PLEC: variants seen among roughly 807,000 people sequenced by gnomAD.
PLEC encodes the protein hemidesmosomal protein 1.
A neutral mutation model predicts 392.8 loss-of-function variants in PLEC; 216 were observed. The observed-to-expected ratio is 0.55, with a 90% CI of 0.49 to 0.62. The LOEUF is 0.62. Ranked by LOEUF, PLEC falls within the 20% of genes least tolerant of loss-of-function variation. The pLI, the probability that PLEC is intolerant of heterozygous loss-of-function variation, is 0.00. For missense variants in PLEC, 6,863 were observed against 6,563.4 expected, an observed-to-expected ratio of 1.05 and a Z score of -1.58; for synonymous variants, 3,621 against 2,980.6, an observed-to-expected ratio of 1.21 and a Z score of -7.00.
chr8:143,961,160 G>A (rs1342195853), intron 1 of PLEC, among the ~76,000 whole-genome samples: 1 of 152,018 alleles, frequency 6.6e-6, no homozygotes, highest in Admixed American at 6.6e-5. Flanking sequence ...TTGCCAATAC[G>A]ATAGGTAAAA....
Position 143,923,391 on chromosome 8 carries a change from G to A in PLEC, c.6538C>T (p.Gln2180Ter), listed in dbSNP as rs1554692121. 1 of 1,610,612 alleles carries A rather than the reference G, an allele frequency of 6.2e-7. No individual in the cohort carries two copies. The highest frequency in any genetic ancestry group is 1.1e-5 in the South Asian group (1 of 90,888). Reference sequence around the variant, plus strand: ...AGCTCCTGCTCCACCTGCGCCTTCTGCCGCAGCGTCTGCTCGGCGAATTTC... The same window carrying A: ...AGCTCCTGCTCCACCTGCGCCTTCTACCGCAGCGTCTGCTCGGCGAATTTC... ...HKKFAEQTLR[Q>*]KAQVEQELTT... Residue 2180 changes from glutamine to a stop codon, truncating the protein, a stop_gained, in exon 31 of 32, where the codon CAG (glutamine) becomes TAG (stop). Transcript: ENST00000345136. LOFTEE classifies it high-confidence loss of function.
At position 143,921,347 on chromosome 8, in the gene PLEC, G is replaced by T. The variant is rs1309326930; in HGVS notation, c.8474C>A (p.Pro2825His). 1.2e-6 allele frequency: 2 copies of T among 1,613,570 alleles called. No homozygotes were observed. Among genetic ancestry groups the T allele is most frequent in the Admixed American group, 3.3e-5 (2 of 59,986 alleles). ...GCCGCGCCGGTAGGCCACGTCCACG[G>T]GCACGCGGTGGCTGTGCACGGGGTC... ...VIDPVHSHRV[P>H]VDVAYRRGYF... Residue 2825 changes from proline to histidine, a missense_variant, in exon 32 of 32, where the codon CCC (proline) becomes CAC (histidine). Physicochemically the swap from Pro to His is moderately conservative, Grantham distance 77 (BLOSUM62 -2). Coordinates refer to ENST00000345136, the MANE Select transcript of PLEC (RefSeq NM_201384.3).
rs375696082 is a variant in PLEC, at chr8:143,950,226, G to A, written c.481C>T (p.Arg161Trp). ...TCCGGGCCTGGCCTGGCCAGGGTCC[G>A]CTGGGTGGTAGCAGGCACCACAGGG... Residue 161 changes from arginine to tryptophan, a missense_variant, in exon 1 of 32, where the codon CGG becomes TGG. By Grantham distance (101) the Arg-to-Trp change is moderately radical (BLOSUM62 -3). Coordinates refer to the PLEC transcript ENST00000322810. The A allele has an allele frequency of 2.1e-5, 32 of 1,555,244 alleles. No homozygotes were observed. The highest frequency in any genetic ancestry group is 4.8e-5 in the East Asian group (2 of 41,936).
chr8:143,939,866 AGGAACACAGGCC>A (rs1830115540), upstream of PLEC, among the ~76,000 whole-genome samples: 5 of 152,202 alleles, frequency 3.3e-5, no homozygotes, highest in African/African-American at 4.8e-5. Context: ...AGGACCGCAG[AGGAACACAGGCC>A]GTCCCCACAG....
At chr8:143,926,039 C>T (rs1176525345) in intron 30 of PLEC, among the ~76,000 whole-genome samples, 155 bp from the exon 31 acceptor site, 3 of 152,256 alleles carry the variant, frequency 2.0e-5, no homozygotes, top group African/African-American at 4.8e-5. Flanking sequence ...AGCGTGCACC[C>T]GCCCAGGGCG....
In PLEC at chr8:143,932,035, G is replaced by C. The variant is rs782453739; in HGVS notation, c.2083-3C>G. ...GTCTGCAGGGCCGCCTGGAAGGACT[G>C]CGGGACAGCAGGTCCCGGTCAGGCC... is the stretch of plus-strand genomic sequence containing the variant. On this transcript the variant is annotated splice_polypyrimidine_tract_variant and splice_region_variant and intron_variant, in intron 17 of 31. Transcript: ENST00000345136. The C allele has an allele frequency of 8.2e-6, 13 of 1,594,164 alleles. No individual in the cohort carries two copies. Among genetic ancestry groups the C allele is most frequent in the African/African-American group, 1.3e-5 (1 of 74,702 alleles).
intron 24 of PLEC, 49 bp downstream of exon 24, chr8:143,929,365 G>GGAGGGATGGGGA (rs782369151): frequency 3.2e-6 from 5 of 1,568,868 alleles, no homozygotes; most frequent in Non-Finnish European, 4.3e-6. Context: ...GAGGGTGGGA[G>GGAGGGATGGGGA]GAGGGATGGG....
In PLEC at chr8:143,925,586, A is replaced by G. The variant is rs1824817524; in HGVS notation, c.4343T>C (p.Leu1448Pro). 1 of 1,575,086 alleles carries G rather than the reference A, an allele frequency of 6.3e-7. No homozygotes were observed. Among genetic ancestry groups the G allele is most frequent in the Non-Finnish European group, 8.6e-7 (1 of 1,168,530 alleles). Residue 1448 changes from leucine (L) to proline (P), a missense_variant, in exon 31 of 32, where the codon CTG becomes CCG. Leu to Pro is a moderately conservative substitution (Grantham distance 98). Coordinates refer to ENST00000345136, the MANE Select transcript of PLEC (RefSeq NM_201384.3). ...RQAEAAERSR[L>P]RIEEEIRVVR... ...CACGCGGATCTCCTCCTCGATGCGC[A>G]GCCGGCTGCGCTCAGCCGCCTCTGC... is the stretch of plus-strand genomic sequence containing the variant.
At position 143,932,943 on chromosome 8, in the gene PLEC, C is replaced by T; in HGVS notation, c.1587G>A (p.Leu529=). 6.2e-7 allele frequency: 1 copy of T among 1,612,694 alleles called. No individual in the cohort carries two copies. Among genetic ancestry groups the T allele is most frequent in the Non-Finnish European group, 8.5e-7 (1 of 1,179,924 alleles). Residue 529 remains leucine (L), a synonymous_variant, in exon 14 of 32, where the codon CTG becomes CTA. Coordinates refer to ENST00000345136, the MANE Select transcript of PLEC (RefSeq NM_201384.3). ...GGTGCTGGTTCTCCTCCACCCAGGC[C>T]AGCAGGTCCTGCAGGTAGCGCAGAG... The part of the protein sequence containing the change: ...DSTLRYLQDL[L]AWVEENQHRV...
In PLEC at chr8:143,923,713, C is replaced by T; in HGVS notation, c.6216G>A (p.Glu2072=). 6.5e-7 allele frequency: 1 copy of T among 1,544,904 alleles called. No individual in the cohort carries two copies. Among genetic ancestry groups the T allele is most frequent in the East Asian group, 2.4e-5 (1 of 41,274 alleles). Residue 2072 remains glutamate (E), a synonymous_variant, in exon 31 of 32, where the codon GAG becomes GAA. Coordinates refer to ENST00000345136, the MANE Select transcript of PLEC (RefSeq NM_201384.3). Reference sequence around the variant, plus strand: ...CGCGCAGCTGGTCCAGCACGCTCTGCTCCTGCTGCAGCGTCTGCTGTAGCT... The same window carrying T: ...CGCGCAGCTGGTCCAGCACGCTCTGTTCCTGCTGCAGCGTCTGCTGTAGCT... The part of the protein sequence containing the change: ...EQELQQTLQQ[E]QSVLDQLRGE...
chr8:143,940,627 C>T (rs1352784879), upstream of PLEC, among the ~76,000 whole-genome samples: 5 of 152,232 alleles, frequency 3.3e-5, no homozygotes, highest in African/African-American at 9.6e-5. Context: ...GGAAAGAATG[C>T]GCTGCCCCAA....
chr8:143,940,510 C>A (rs1830253254), upstream of PLEC, among the ~76,000 whole-genome samples: 1 of 152,180 alleles, frequency 6.6e-6, no homozygotes, highest in East Asian at 1.9e-4. Flanking sequence ...CTGTAAAGGG[C>A]AAAGGGCAAA....
In PLEC at chr8:143,932,103, GCCCCGCCCCTAC is replaced by G; in HGVS notation, c.2082+15_2082+26del. 6.3e-7 allele frequency: 1 copy of G among 1,587,658 alleles called. No homozygotes were observed. The highest frequency in any genetic ancestry group is 8.6e-7 in the Non-Finnish European group (1 of 1,169,230). On this transcript the variant is annotated intron_variant, in intron 17 of 31. Transcript: ENST00000345136. ...GGGACCCGGCACGGCCCCCCCCGCAGCCCCGCCCCTACCCAGGGAGCCCCACCTCCACCGTGG... is the reference window on the plus strand; with the variant it reads ...GGGACCCGGCACGGCCCCCCCCGCAGCCAGGGAGCCCCACCTCCACCGTGG...
chr8:143,933,081 G>A lies in PLEC; in HGVS notation c.1449C>T (p.Ala483=). The A allele has an allele frequency of 6.3e-7, 1 of 1,590,352 alleles. No individual in the cohort carries two copies. Among genetic ancestry groups the A allele is most frequent in the Non-Finnish European group, 8.5e-7 (1 of 1,170,618 alleles). The change falls in exon 14 of 32, where the codon GCC becomes GCT. Residue 483 remains alanine, a synonymous_variant. Transcript: ENST00000345136. ...RVYRLHERLV[A]IRTEYNLRLK... is the part of the protein sequence containing the mutation. ...GCCGTAGGTTGTACTCGGTGCGGAT[G>A]GCTACCAGGCGCTCGTGCAGACGGT...
At chr8:143,930,588 G>A in intron 19 of PLEC, 52 bp from the exon 20 acceptor site, 1 of 1,545,956 alleles carries the variant, frequency 6.5e-7, no homozygotes, top group Non-Finnish European at 8.7e-7. Context: ...CCACAGGCCT[G>A]CCCCAGGCAC....
intron 1 of PLEC, among the ~76,000 whole-genome samples, chr8:143,947,869 G>A (rs1331494063): frequency 6.6e-6 from 1 of 152,196 alleles, no homozygotes; most frequent in African/African-American, 2.4e-5. Context: ...GCCTTCCCAT[G>A]GGTCCTCTCC....
In PLEC at chr8:143,917,023, C is replaced by G. The variant is rs1247569841; in HGVS notation, c.12798G>C (p.Gln4266His). 1 of 1,612,204 alleles carries G rather than the reference C, an allele frequency of 6.2e-7. No individual in the cohort carries two copies. The highest frequency in any genetic ancestry group is 1.3e-5 in the African/African-American group (1 of 74,914). Residue 4266 changes from glutamine to histidine, a missense_variant, in exon 32 of 32, where the codon CAG becomes CAC. Transcript: ENST00000345136. ...YPISPAVSRT[Q>H]LASWSDPTEE... is the part of the protein sequence containing the mutation. ...CAGTGGGGTCTGACCAGGAGGCCAG[C>G]TGGGTCCTGGAGACGGCGGGGCTGA...
intron 1 of PLEC, among the ~76,000 whole-genome samples, chr8:143,960,884 C>T (rs1262972852): frequency 6.6e-6 from 1 of 152,220 alleles, no homozygotes; most frequent in Non-Finnish European, 1.5e-5. Flanking sequence ...TTCCTTTTAA[C>T]ACAAACGGTG....
In PLEC at chr8:143,927,658, G is replaced by T; in HGVS notation, c.3508C>A (p.Arg1170=). ...GERLQQRHGE[R]DVEVERWRER... ...CGCCAGCGCTCCACCTCCACGTCCC[G>T]CTCCCCGTGCCGCTGCTGCAGTCGC... Residue 1170 remains arginine (R), a synonymous_variant, in exon 27 of 32, where the codon CGG becomes AGG. Coordinates refer to ENST00000345136, the MANE Select transcript of PLEC (RefSeq NM_201384.3). The T allele has an allele frequency of 6.3e-7, 1 of 1,581,360 alleles. No individual in the cohort carries two copies. The highest frequency in any genetic ancestry group is 1.1e-5 in the South Asian group (1 of 87,880).
Sources: allele counts gnomAD v4.1 joint callset (sites outside exome capture counted in the v4.1 genomes callset), GRCh38; gene constraint gnomAD v4.1.1; transcripts MANE v1.5; gene names NCBI Gene and HGNC (gene_info 2026-07-23, HGNC 2026-07-21).